The following CFAP46 variants were observed in gnomAD, a reference collection of about 807,000 sequenced individuals.
CFAP46 encodes the protein cilia and flagella associated protein 46.
CFAP46 carries 245 observed loss-of-function variants against 325.7 expected under a neutral mutation model. The observed-to-expected ratio is 0.75, with a 90% CI of 0.68 to 0.84. The LOEUF (loss-of-function observed/expected upper bound fraction) is 0.84, where lower values mean the gene tolerates loss of function less well. CFAP46 is among the 40% of genes least tolerant of loss of function. The pLI is 0.00. For missense variants in CFAP46, 3,346 were observed against 3,543.0 expected (o/e 0.94, Z 1.41); for synonymous variants, 1,523 against 1,495.9 (o/e 1.02, Z -0.42).
chr10:132,880,818 G>A (rs551926858), intron 28 of CFAP46, 43 bp downstream of exon 28: 2 of 1,529,046 alleles, frequency 1.3e-6, no homozygotes, highest in South Asian at 2.4e-5. Context: ...AGAGCTCTGG[G>A]GAGCGGCGTG....
intron 8 of CFAP46, among the ~76,000 whole-genome samples, chr10:132,932,621 C>T (rs1849930002): frequency 6.7e-6 from 1 of 148,220 alleles, no homozygotes. Context: ...AGAGCCTGGG[C>T]TTCCCCACGC....
intron 3 of CFAP46, 22 bp from the exon 4 acceptor site, chr10:132,941,082 C>G (rs1850092469): frequency 6.2e-7 from 1 of 1,613,602 alleles, no homozygotes; most frequent in Non-Finnish European, 8.5e-7. Flanking sequence ...TAAAGAAGCA[C>G]AATTAGACCG....
chr10:132,899,016 G>T lies in CFAP46; in HGVS notation c.3162C>A (p.Ala1054=). Residue 1054 remains alanine, a synonymous_variant, in exon 24 of 58, where the codon GCC becomes GCA. Coordinates refer to ENST00000368586, the MANE Select transcript of CFAP46 (RefSeq NM_001200049.3). ...CGATGAGCCTCTTCAGGGCACCCTT[G>T]GCCTTCTTCCTGTAGACGGCTGAGG... The part of the protein sequence containing the change: ...LLSSAVYRKK[A]KGALKRLIGI... 1 of 1,550,568 alleles carries T rather than the reference G, an allele frequency of 6.4e-7. No homozygotes were observed. Among genetic ancestry groups the T allele is most frequent in the Non-Finnish European group, 8.7e-7 (1 of 1,146,988 alleles).
intron 50 of CFAP46, among the ~76,000 whole-genome samples, chr10:132,826,642 A>G (rs112616167): frequency 1.7e-4 from 18 of 107,734 alleles, no homozygotes; most frequent in African/African-American, 3.4e-4. Context: ...CCGGAGCCAC[A>G]GAGACCAGCC....
intron 26 of CFAP46, 78 bp downstream of exon 26, chr10:132,885,743 T>TGGGGAGCACTCATAGGCGGTGGG (rs1554881652): frequency 8.0e-7 from 1 of 1,245,530 alleles, no homozygotes; most frequent in Admixed American, 2.7e-5. Flanking sequence ...ACAGGCGGTG[T>TGGGGAGCACTCATAGGCGGTGGG]GGGGAGCACT....
In CFAP46 at chr10:132,924,710, C is replaced by T. The variant is rs779739705; in HGVS notation, c.1242G>A (p.Leu414=). 11 of 1,534,802 alleles carry T rather than the reference C, an allele frequency of 7.2e-6. No individual in the cohort carries two copies. The African/African-American group carries it at 1.4e-4, about 19-fold the overall frequency. Reference sequence around the variant, plus strand: ...GAGCGCCCCACCTGTCCAGCTTCTCCAGCACGTCCGCAACGCCAGCCAGGG... The same window carrying T: ...GAGCGCCCCACCTGTCCAGCTTCTCTAGCACGTCCGCAACGCCAGCCAGGG... The part of the protein sequence containing the change: ...RKPLAGVADV[L]EKLDSLMTLL... The change falls in exon 11 of 58, where the codon CTG becomes CTA. Residue 414 remains leucine, a synonymous_variant. Coordinates refer to ENST00000368586, the MANE Select transcript of CFAP46 (RefSeq NM_001200049.3).
rs748858224 is a variant in CFAP46 at position 132,922,431 on chromosome 10, C to T, written c.1485+49G>A. 4.1e-5 allele frequency: 61 copies of T among 1,500,306 alleles called. 1 individual carries two copies. Among genetic ancestry groups the T allele is most frequent in the Non-Finnish European group, 5.3e-5 (59 of 1,119,778 alleles). 92.9% of individuals were successfully genotyped at this position (1,500,306 alleles called of 1,614,324 possible). A position where few individuals can be genotyped will look rare whatever the true frequency, so the allele number is the denominator to read the frequency against. ...TGCCCTCAGAGCCCCGCCCCGGCCC[C>T]ATGCTGGGGCTGCAGCACCCAGCCT... On this transcript the variant is annotated intron_variant, in intron 12 of 57. Coordinates refer to ENST00000368586, the MANE Select transcript of CFAP46 (RefSeq NM_001200049.3).
At chr10:132,934,595 A>G (rs765980844) in intron 8 of CFAP46, among the ~76,000 whole-genome samples, 157 bp downstream of exon 8, 1 of 152,248 alleles carries the variant, frequency 6.6e-6, no homozygotes, top group African/African-American at 2.4e-5. Flanking sequence ...TCAGGCCACA[A>G]AAGACCAGAC....
Position 132,929,772 on chromosome 10 carries a change from G to GA in CFAP46, c.898dup (p.Ser300PhefsTer30). ...GATCTCCATGCATTTCAAGGTCAAGGAAAAACGCGCCAATTCAAAAAGCAA... is the reference window on the plus strand; with the variant it reads ...GATCTCCATGCATTTCAAGGTCAAGGAAAAAACGCGCCAATTCAAAAAGCAA... On this transcript the variant is annotated frameshift_variant, in exon 9 of 58. Coordinates refer to ENST00000368586, the MANE Select transcript of CFAP46 (RefSeq NM_001200049.3). LOFTEE classifies it high-confidence loss of function. 1 of 1,610,498 alleles carries GA rather than the reference G, an allele frequency of 6.2e-7. No individual in the cohort carries two copies. Among genetic ancestry groups the GA allele is most frequent in the Non-Finnish European group, 8.5e-7 (1 of 1,177,416 alleles).
chr10:132,847,528 AAGGGGACGCTGGAGCCTGGGCG>A lies in CFAP46; in HGVS notation c.5953-229_5953-208del, dbSNP rs550755987. Among the ~76,000 whole-genome samples, 227 of 152,120 alleles carry A rather than the reference AAGGGGACGCTGGAGCCTGGGCG, an allele frequency of 1.5e-3. 1 individual carries two copies. The highest frequency in any genetic ancestry group is 0.011 in the South Asian group (51 of 4,814). On this transcript the variant is annotated intron_variant, in intron 41 of 57. Transcript: ENST00000368586. The surrounding 1 kb of genome is among the most constrained non-coding windows in gnomAD (Gnocchi z 5.2). ...GTGGCCCTGACCCGTGAGCCTGGGCAAGGGGACGCTGGAGCCTGGGCGAGGGGATGCTGCAGCCAGGGTGAGG... is the reference window on the plus strand; with the variant it reads ...GTGGCCCTGACCCGTGAGCCTGGGCAAGGGGATGCTGCAGCCAGGGTGAGG...
Position 132,814,572 on chromosome 10 carries a change from C to A in CFAP46, c.7285+5G>T. ...CCTGAACAGGGAGCCCTGTGCAGCA[C>A]CCACCTGGGCCCTGGGCCTCCTCGT... On this transcript the variant is annotated splice_donor_5th_base_variant and intron_variant, in intron 53 of 57. Transcript: ENST00000368586. 1 of 1,560,022 alleles carries A rather than the reference C, an allele frequency of 6.4e-7. No individual in the cohort carries two copies. Among genetic ancestry groups the A allele is most frequent in the Admixed American group, 1.9e-5 (1 of 51,628 alleles).
chr10:132,836,260 A>AG (rs1215472984), intron 45 of CFAP46, 42 bp from the exon 46 acceptor site: 1 of 1,585,600 alleles, frequency 6.3e-7, no homozygotes, highest in South Asian at 1.1e-5. Context: ...CAAGCCATGA[A>AG]GGAAACACAC....
intron 28 of CFAP46, among the ~76,000 whole-genome samples, chr10:132,880,179 C>T (rs553868978): frequency 2.0e-5 from 3 of 152,196 alleles, no homozygotes; most frequent in Admixed American, 6.5e-5. Context: ...CTGCTCTTCA[C>T]GGCAGGACTG....
At chr10:132,933,112 T>C (rs1215087658) in intron 8 of CFAP46, among the ~76,000 whole-genome samples, 1 of 152,222 alleles carries the variant, frequency 6.6e-6, no homozygotes, top group Non-Finnish European at 1.5e-5. Flanking sequence ...CTCAGTGTGG[T>C]GTGACCATCC....
At chr10:132,882,600 G>C (rs1415232666) in intron 27 of CFAP46, among the ~76,000 whole-genome samples, 1 of 151,996 alleles carries the variant, frequency 6.6e-6, no homozygotes, top group African/African-American at 2.4e-5. Context: ...AGGTCTAGCG[G>C]GTGGGGGGTC....
chr10:132,818,540 C>G (rs1044366565), intron 50 of CFAP46, among the ~76,000 whole-genome samples: 3 of 152,028 alleles, frequency 2.0e-5, no homozygotes, highest in African/African-American at 7.3e-5. Flanking sequence ...AAGTCCCCAC[C>G]AGAGCAGTCG....
intron 17 of CFAP46, among the ~76,000 whole-genome samples, chr10:132,915,701 T>C (rs1849627693): frequency 6.6e-6 from 1 of 152,238 alleles, no homozygotes; most frequent in African/African-American, 2.4e-5. Flanking sequence ...CACGTTCGTG[T>C]GCTTGACGCA....
At chr10:132,867,333 C>T (rs997337197) in intron 34 of CFAP46, 42 bp downstream of exon 34, 15 of 1,532,068 alleles carry the variant, frequency 9.8e-6, no homozygotes, top group Middle Eastern at 2.2e-4. Context: ...CACCGGCGCC[C>T]GCTGGGCTGC....
chr10:132,822,424 G>GTGATGTGTGC (rs1847879905), intron 50 of CFAP46, among the ~76,000 whole-genome samples: 1 of 136,352 alleles, frequency 7.3e-6, no homozygotes. Flanking sequence ...TGTGTGTGTG[G>GTGATGTGTGC]TGATGTGTGC....
Sources: allele counts gnomAD v4.1 joint callset (sites outside exome capture counted in the v4.1 genomes callset), GRCh38; gene constraint gnomAD v4.1.1; non-coding constraint Gnocchi (gnomAD v3.1); transcripts MANE v1.5; gene names NCBI Gene and HGNC (gene_info 2026-07-23, HGNC 2026-07-21).